UNC13C: variants seen among roughly 807,000 people sequenced by gnomAD.
UNC13C encodes the protein protein unc-13 homolog C.
In UNC13C, 174 loss-of-function variants were observed where a neutral mutation model predicts 245.4. The ratio of observed to expected loss-of-function variants is 0.71; its 90% CI spans 0.63 to 0.80. UNC13C has a LOEUF of 0.80. Among genes scored for constraint, UNC13C ranks in the 30% least tolerant of loss-of-function variants. UNC13C has a pLI of 0.00. For missense variants in UNC13C, 2,829 were observed against 2,602.9 expected, an observed-to-expected ratio of 1.09 and a Z score of -1.89; for synonymous variants, 992 against 895.1, an observed-to-expected ratio of 1.11 and a Z score of -1.93.
chr15:54,410,614 G>GGA (rs2040397357), intron 18 of UNC13C, among the ~76,000 whole-genome samples: 1 of 151,782 alleles, frequency 6.6e-6, no homozygotes, highest in Non-Finnish European at 1.5e-5. Context: ...TTATTAAATG[G>GGA]GGAGTCGTTT....
At chr15:53,891,945 C>T in the UNC13C span, among the ~76,000 whole-genome samples, 1 of 152,162 alleles carries the variant, frequency 6.6e-6, no homozygotes, top group Non-Finnish European at 1.5e-5. Flanking sequence ...GATGCAGTTT[C>T]TTCGTAGTGT....
the UNC13C span, among the ~76,000 whole-genome samples, chr15:53,910,021 G>A: frequency 7.0e-6 from 1 of 142,950 alleles, no homozygotes; most frequent in East Asian, 2.0e-4. Context: ...ATTTGCCTTG[G>A]AGCCAATGTA....
intron 2 of UNC13C, among the ~76,000 whole-genome samples, chr15:54,065,255 G>C (rs1015806093): frequency 1.3e-4 from 20 of 152,178 alleles, no homozygotes; most frequent in African/African-American, 4.8e-4. Context: ...AAGGGAGCCA[G>C]CTACAGGACT....
chr15:54,004,077 G>A (rs559913830), intron 1 of UNC13C, among the ~76,000 whole-genome samples: 19 of 152,232 alleles, frequency 1.2e-4, no homozygotes, highest in East Asian at 3.9e-4. Flanking sequence ...TATAGTCGCC[G>A]TAGTGTGCTA....
intron 4 of UNC13C, among the ~76,000 whole-genome samples, chr15:54,215,497 T>A (rs1048544135): frequency 1.3e-5 from 2 of 152,004 alleles, no homozygotes; most frequent in Non-Finnish European, 2.9e-5. Context: ...TCTGAAACCA[T>A]GTTTCAAAGG....
chr15:54,045,944 T>G (rs757496630), intron 2 of UNC13C, among the ~76,000 whole-genome samples: 5 of 152,198 alleles, frequency 3.3e-5, no homozygotes, highest in South Asian at 2.1e-4. Context: ...AATTCTCTTT[T>G]TAAAATTTAT....
At chr15:54,445,640 G>T (rs549846283) in intron 19 of UNC13C, among the ~76,000 whole-genome samples, 1 of 152,032 alleles carries the variant, frequency 6.6e-6, no homozygotes, top group East Asian at 1.9e-4. Flanking sequence ...TGTTGATGGG[G>T]TTGTTTTTTT....
In UNC13C at chr15:54,015,014, A is replaced by T. The variant is rs1163295130; in HGVS notation, c.2111A>T (p.Asp704Val). The T allele has an allele frequency of 6.2e-7, 1 of 1,613,546 alleles. No individual in the cohort carries two copies. Among genetic ancestry groups the T allele is most frequent in the South Asian group, 1.1e-5 (1 of 91,056 alleles). Residue 704 changes from aspartate (D) to valine (V), a missense_variant, in exon 2 of 33, where the codon GAT (aspartate) becomes GTT (valine). Asp to Val is a radical substitution (Grantham distance 152). Coordinates refer to ENST00000260323, the MANE Select transcript of UNC13C (RefSeq NM_001080534.3). ...DLEYLGKCHS[D>V]LQDDSESYDL... ...GAATACTTGGGAAAGTGCCACAGTG[A>T]TCTTCAAGATGACTCAGAGAGCTAC... is the stretch of plus-strand genomic sequence containing the variant.
rs766569876 is a variant in UNC13C at position 54,611,319 on chromosome 15, T to TG, written c.6107-11005dup. ...TTCCACTCAAATCAGCAAGAGCCCT[T>TG]GGGTTTAGAAGGGGTTAACAGGATG... On this transcript the variant is annotated intron_variant, in intron 30 of 32. Coordinates refer to ENST00000260323, the MANE Select transcript of UNC13C (RefSeq NM_001080534.3). Among the ~76,000 whole-genome samples the TG allele has an allele frequency of 1.6e-4, 24 of 152,104 alleles. 1 individual carries two copies. Among genetic ancestry groups the TG allele is most frequent in the Admixed American group, 9.2e-4 (14 of 15,258 alleles).
chr15:53,971,078 G>T, the UNC13C span, among the ~76,000 whole-genome samples: 1 of 152,082 alleles, frequency 6.6e-6, no homozygotes, highest in Non-Finnish European at 1.5e-5. Flanking sequence ...TAATATCGTG[G>T]TTTTGATACG....
At chr15:54,191,669 C>G (rs941709574) in intron 4 of UNC13C, among the ~76,000 whole-genome samples, 1 of 152,170 alleles carries the variant, frequency 6.6e-6, no homozygotes, top group African/African-American at 2.4e-5. Context: ...CTCCCACCAA[C>G]AGTGTAAAAG....
chr15:54,060,414 T>C (rs1382151431), intron 2 of UNC13C, among the ~76,000 whole-genome samples: 2 of 151,942 alleles, frequency 1.3e-5, no homozygotes, highest in East Asian at 3.9e-4. Context: ...AAAACCACAA[T>C]GAGATACCAT....
chr15:54,250,082 G>A, intron 7 of UNC13C, 143 bp from the exon 8 acceptor site: 3 of 748,124 alleles, frequency 4.0e-6, no homozygotes, highest in Non-Finnish European at 2.2e-6. Context: ...TATGCTTACT[G>A]TCATCATGAC....
chr15:54,082,284 C>T (rs1417652907), intron 2 of UNC13C, among the ~76,000 whole-genome samples: 1 of 152,054 alleles, frequency 6.6e-6, no homozygotes, highest in African/African-American at 2.4e-5. Context: ...CGCAGGTGTT[C>T]TCTGAATTTC....
At chr15:54,537,145 TA>T (rs1474383531) in intron 26 of UNC13C, among the ~76,000 whole-genome samples, 2 of 151,988 alleles carry the variant, frequency 1.3e-5, no homozygotes, top group African/African-American at 4.8e-5. Context: ...GATACAAAAT[TA>T]ATATACAAAA....
rs1482506668 is a variant in UNC13C, at chr15:54,333,898, A to G, written c.4584+42A>G. On this transcript the variant is annotated intron_variant, in intron 16 of 32. Transcript: ENST00000260323. ...CTGTCACTGTTTTGTTGTGACATAG[A>G]ATACATTCATCCCCTGGTAAAGTCT... The G allele has an allele frequency of 2.1e-6, 3 of 1,421,754 alleles. No homozygotes were observed. The Admixed American group carries it at 5.8e-5, about 27-fold the overall frequency. 88.1% of individuals were successfully genotyped at this position (1,421,754 alleles called of 1,614,324 possible). A position where few individuals can be genotyped will look rare whatever the true frequency, so the allele number is the denominator to read the frequency against.
chr15:54,273,087 T>G (rs1003455921), intron 10 of UNC13C, among the ~76,000 whole-genome samples: 2 of 152,190 alleles, frequency 1.3e-5, no homozygotes, highest in African/African-American at 2.4e-5. Context: ...TAAAAAGGAC[T>G]GTTCTGCAGG....
the UNC13C span, among the ~76,000 whole-genome samples, chr15:53,968,539 T>C: frequency 6.6e-6 from 1 of 152,052 alleles, no homozygotes; most frequent in Non-Finnish European, 1.5e-5. Flanking sequence ...TGAAATTCCA[T>C]AGAAGGAGCT....
chr15:53,878,625 G>A, the UNC13C span, among the ~76,000 whole-genome samples: 1 of 151,928 alleles, frequency 6.6e-6, no homozygotes, highest in Non-Finnish European at 1.5e-5. Flanking sequence ...GCTGCTGTTT[G>A]TCTACTTTTG....
Sources: allele counts gnomAD v4.1 joint callset (sites outside exome capture counted in the v4.1 genomes callset), GRCh38; gene constraint gnomAD v4.1.1; transcripts MANE v1.5; gene names NCBI Gene and HGNC (gene_info 2026-07-23, HGNC 2026-07-21).